The following HOMER2 variants were observed in gnomAD, a reference collection of about 807,000 sequenced individuals.
HOMER2 encodes the protein homer protein homolog 2.
In HOMER2, 27 loss-of-function variants were observed where a neutral mutation model predicts 47.0. That is an observed-to-expected ratio of 0.57 (90% CI 0.42 to 0.79). The LOEUF (loss-of-function observed/expected upper bound fraction) is 0.79. Ranked by LOEUF, HOMER2 falls within the 30% of genes least tolerant of loss-of-function variation. The probability of loss-of-function intolerance (pLI) is 0.00; values close to 1 mark genes in which losing one functional copy is unlikely to be tolerated. For synonymous variants in HOMER2, 161 were observed against 163.8 expected (o/e 0.98, Z 0.13); for missense variants, 443 against 435.0 (o/e 1.02, Z -0.16).
intron 1 of HOMER2, among the ~76,000 whole-genome samples, chr15:82,902,928 CAATT>C (rs1389839644): frequency 6.6e-6 from 1 of 152,228 alleles, no homozygotes; most frequent in Non-Finnish European, 1.5e-5. Flanking sequence ...AATCTCCCAG[CAATT>C]AATTCATCTG....
At chr15:82,868,523 T>TATATATATATATATA (rs2052055665) in intron 3 of HOMER2, among the ~76,000 whole-genome samples, 2 of 36,644 alleles carry the variant, frequency 5.5e-5, no homozygotes, top group South Asian at 1.8e-3. Flanking sequence ...CTTATTTATT[T>TATATATATATATATA]TATATATATA....
At chr15:82,901,265 G>A (rs986238625) in intron 1 of HOMER2, among the ~76,000 whole-genome samples, 4 of 152,162 alleles carry the variant, frequency 2.6e-5, no homozygotes, top group African/African-American at 9.7e-5. Flanking sequence ...CAGAGTTGTG[G>A]AGAAGCAAAG....
chr15:82,926,262 G>A (rs2053850039), intron 1 of HOMER2: 1 of 152,322 alleles, frequency 6.6e-6, no homozygotes, highest in African/African-American at 2.4e-5. Flanking sequence ...TGTCTGGTGA[G>A]GGCACACTTT....
intron 1 of HOMER2, among the ~76,000 whole-genome samples, chr15:82,932,425 C>A (rs1054592566): frequency 6.6e-6 from 1 of 151,108 alleles, no homozygotes; most frequent in Non-Finnish European, 1.5e-5. Context: ...AACCTGGGAG[C>A]TGGAGGTTGC....
chr15:82,867,436 C>A (rs933697685), intron 3 of HOMER2, among the ~76,000 whole-genome samples: 1 of 148,828 alleles, frequency 6.7e-6, no homozygotes, highest in East Asian at 1.9e-4. Flanking sequence ...TAAGCTAGTA[C>A]AACAGAAAAA....
chr15:82,897,206 C>T (rs938704345), intron 1 of HOMER2, among the ~76,000 whole-genome samples: 1 of 151,470 alleles, frequency 6.6e-6, no homozygotes, highest in Non-Finnish European at 1.5e-5. Context: ...GCTGGGATTA[C>T]AGGCGCCTGC....
chr15:82,926,460 G>A (rs1054469018), intron 1 of HOMER2: 1 of 152,248 alleles, frequency 6.6e-6, no homozygotes, highest in African/African-American at 2.4e-5. Flanking sequence ...GGCCGAGGCA[G>A]GCAGATCATC....
intron 5 of HOMER2, among the ~76,000 whole-genome samples, chr15:82,855,678 G>T (rs556129326): frequency 6.6e-6 from 1 of 152,356 alleles, no homozygotes; most frequent in East Asian, 1.9e-4. Context: ...TGCCCTGGGG[G>T]CACAACAGGG....
intron 1 of HOMER2, among the ~76,000 whole-genome samples, chr15:82,908,866 G>A (rs2053368576): frequency 6.6e-6 from 1 of 152,070 alleles, no homozygotes; most frequent in African/African-American, 2.4e-5. Context: ...CCTTGCCTGT[G>A]AACCAACTGG....
intron 2 of HOMER2, among the ~76,000 whole-genome samples, chr15:82,880,487 T>C (rs2052488045): frequency 6.6e-6 from 1 of 152,192 alleles, no homozygotes; most frequent in Non-Finnish European, 1.5e-5. Context: ...GTACTTCCAC[T>C]GGGTGGTGGG....
chr15:82,859,520 A>G lies in HOMER2; in HGVS notation c.388-385T>C, dbSNP rs533105330. 2.6e-5 allele frequency among the ~76,000 whole-genome samples: 4 copies of G among 152,270 alleles called. 1 individual carries two copies. In the East Asian group the frequency reaches 7.7e-4, roughly 29 times the overall value. On this transcript the variant is annotated intron_variant, in intron 4 of 8. Coordinates refer to ENST00000450735, the MANE Select transcript of HOMER2 (RefSeq NM_004839.4). Reference sequence around the variant, plus strand: ...GGGAGACCTGGTCTCCTGAAATACCACAGGGCAGAAGCCACAAGGGAGGAG... The same window carrying G: ...GGGAGACCTGGTCTCCTGAAATACCGCAGGGCAGAAGCCACAAGGGAGGAG...
intron 1 of HOMER2, among the ~76,000 whole-genome samples, chr15:82,933,662 G>A (rs566656521): frequency 1.3e-5 from 2 of 152,326 alleles, no homozygotes; most frequent in African/African-American, 4.8e-5. Flanking sequence ...CTGGTGCCCA[G>A]AACCAAACGC....
Position 82,952,553 on chromosome 15 carries a change from C to CG in HOMER2, c.-19dup. ...CACCCCATCTCCGGCGCTGCTCCGG[C>CG]GGCCGCTCCGACGGGGCCTCTCGCG... On this transcript the variant is annotated 5_prime_UTR_variant, in exon 1 of 9. Transcript: ENST00000450735. 8.5e-7 allele frequency: 1 copy of CG among 1,176,588 alleles called. No homozygotes were observed. The highest frequency in any genetic ancestry group is 1.0e-6 in the Non-Finnish European group (1 of 952,522). 72.9% of individuals were successfully genotyped at this position (1,176,588 alleles called of 1,614,324 possible).
At chr15:82,982,939 T>C (rs551447593) in intron 1 of HOMER2, among the ~76,000 whole-genome samples, 7 of 152,300 alleles carry the variant, frequency 4.6e-5, no homozygotes, top group South Asian at 2.1e-4. Context: ...ATGAATACTT[T>C]CCCTGTTGAA....
chr15:82,976,285 C>CTATTTATT (rs543419840), intron 1 of HOMER2, among the ~76,000 whole-genome samples: 5 of 151,658 alleles, frequency 3.3e-5, no homozygotes, highest in African/African-American at 4.8e-5. Context: ...TTATCATGCA[C>CTATTTATT]TATTTATTTA....
At chr15:82,969,426 G>T (rs1440768066) in intron 1 of HOMER2, among the ~76,000 whole-genome samples, 6 of 152,202 alleles carry the variant, frequency 3.9e-5, no homozygotes, top group Admixed American at 3.9e-4. Flanking sequence ...CGGATGCGGG[G>T]ATCTACGATT....
chr15:82,848,592 T>G (rs1304442844), downstream of HOMER2, among the ~76,000 whole-genome samples: 2 of 152,184 alleles, frequency 1.3e-5, no homozygotes, highest in Non-Finnish European at 2.9e-5. Context: ...GGCCAAGGCT[T>G]GTCAGCTGAG....
chr15:82,834,987 T>C (rs961087874), downstream of HOMER2: 7 of 152,192 alleles, frequency 4.6e-5, no homozygotes, highest in African/African-American at 1.7e-4. Flanking sequence ...CGTTCATTTC[T>C]CAGACTGCGA....
At chr15:82,971,326 A>C (rs776467015) in intron 1 of HOMER2, among the ~76,000 whole-genome samples, 12 of 152,066 alleles carry the variant, frequency 7.9e-5, no homozygotes, top group Non-Finnish European at 1.8e-4. Context: ...CTCGTTTCTA[A>C]CATTGGTGAT....
Sources: allele counts gnomAD v4.1 joint callset (sites outside exome capture counted in the v4.1 genomes callset), GRCh38; gene constraint gnomAD v4.1.1; transcripts MANE v1.5; gene names NCBI Gene and HGNC (gene_info 2026-07-23, HGNC 2026-07-21).